The following CAST variants were observed in gnomAD, a reference collection of about 807,000 sequenced individuals.
The protein encoded by CAST is calpastatin.
A neutral mutation model predicts 119.6 loss-of-function variants in CAST; 76 were observed. That is an observed-to-expected ratio of 0.64 (90% confidence interval 0.53 to 0.77). The LOEUF (loss-of-function observed/expected upper bound fraction) is 0.77, where lower values mean the gene tolerates loss of function less well. Among genes scored for constraint, CAST ranks in the 30% least tolerant of loss-of-function variants. The pLI is 0.00. For missense variants in CAST, 953 were observed against 946.5 expected, an observed-to-expected ratio of 1.01 and a Z score of -0.09; for synonymous variants, 319 against 331.6, an observed-to-expected ratio of 0.96 and a Z score of 0.41.
chr5:96,423,522 T>C, the CAST span: 3 of 1,470,620 alleles, frequency 2.0e-6, no homozygotes, highest in African/African-American at 4.2e-5. Context: ...AAATGGGCAC[T>C]TCAGTTCCAA....
the CAST span, among the ~76,000 whole-genome samples, chr5:96,225,403 G>C: frequency 1.3e-5 from 2 of 152,086 alleles, no homozygotes; most frequent in Non-Finnish European, 2.9e-5. Context: ...GGCATACAGG[G>C]ATATAACAGC....
chr5:96,381,786 T>C, the CAST span, among the ~76,000 whole-genome samples: 1 of 152,244 alleles, frequency 6.6e-6, no homozygotes, highest in Non-Finnish European at 1.5e-5. Flanking sequence ...TTGTGGTTAA[T>C]ACATCTGACA....
At chr5:96,261,536 A>T in the CAST span, among the ~76,000 whole-genome samples, 202 of 152,278 alleles carry the variant, frequency 1.3e-3, 1 homozygote, top group Non-Finnish European at 2.5e-3. Flanking sequence ...CAAGAGCAGG[A>T]TTTACAGTAA....
At chr5:96,610,523 A>G (rs1747341690) in intron 1 of CAST, among the ~76,000 whole-genome samples, 2 of 152,210 alleles carry the variant, frequency 1.3e-5, no homozygotes, top group South Asian at 4.1e-4. Flanking sequence ...ATACCTCAAA[A>G]TAACAACAGC....
At chr5:96,394,849 C>T in the CAST span, 1 of 1,613,536 alleles carries the variant, frequency 6.2e-7, no homozygotes, top group Non-Finnish European at 8.5e-7. Context: ...ATGCCAAGAA[C>T]AGAGCCACAC....
chr5:96,387,872 C>T, the CAST span, among the ~76,000 whole-genome samples: 1 of 152,130 alleles, frequency 6.6e-6, no homozygotes, highest in African/African-American at 2.4e-5. Context: ...GTCACTGGGG[C>T]CACTAGGGAC....
At chr5:96,403,065 A>G in the CAST span, among the ~76,000 whole-genome samples, 1 of 152,192 alleles carries the variant, frequency 6.6e-6, no homozygotes, top group African/African-American at 2.4e-5. Flanking sequence ...GGCAGGAAGG[A>G]GGAAGCGTAC....
chr5:96,378,306 G>A, the CAST span, among the ~76,000 whole-genome samples: 1 of 152,046 alleles, frequency 6.6e-6, no homozygotes, highest in African/African-American at 2.4e-5. Flanking sequence ...CATTTTTTAA[G>A]CAGATAGGTC....
At chr5:96,083,161 A>G in the CAST span, among the ~76,000 whole-genome samples, 5 of 152,226 alleles carry the variant, frequency 3.3e-5, no homozygotes, top group Non-Finnish European at 1.5e-5. Flanking sequence ...ATTGCTTTAT[A>G]TGCTCTTCCA....
chr5:96,605,004 G>A (rs184707512), intron 1 of CAST, among the ~76,000 whole-genome samples: 27 of 152,238 alleles, frequency 1.8e-4, no homozygotes, highest in African/African-American at 4.3e-4. Flanking sequence ...TAAGAGACCC[G>A]GGACATAGAG....
chr5:96,607,069 A>G (rs1446354690), intron 1 of CAST, among the ~76,000 whole-genome samples: 1 of 152,166 alleles, frequency 6.6e-6, no homozygotes, highest in African/African-American at 2.4e-5. Flanking sequence ...CGGGCGGATC[A>G]CGAGGTCAGG....
At chr5:96,537,569 C>G (rs953130027) in intron 1 of CAST, among the ~76,000 whole-genome samples, 1 of 150,648 alleles carries the variant, frequency 6.6e-6, no homozygotes, top group Admixed American at 6.6e-5. Flanking sequence ...AAAAAAAAAA[C>G]TTATCTTTTC....
At chr5:96,704,044 A>G (rs1381757136) in intron 3 of CAST, among the ~76,000 whole-genome samples, 1 of 152,210 alleles carries the variant, frequency 6.6e-6, no homozygotes. Flanking sequence ...AAATTTAGCA[A>G]AATCTTGCTG....
At chr5:96,330,666 G>A in the CAST span, among the ~76,000 whole-genome samples, 8 of 152,180 alleles carry the variant, frequency 5.3e-5, no homozygotes, top group African/African-American at 9.7e-5. Context: ...ACAGTGTCAC[G>A]AGGAATTTTC....
the CAST span, among the ~76,000 whole-genome samples, chr5:96,371,591 C>T: frequency 3.3e-5 from 5 of 152,220 alleles, no homozygotes; most frequent in Non-Finnish European, 5.9e-5. Flanking sequence ...AGGAGGCTCT[C>T]TGTCTCTTTC....
chr5:96,247,311 G>C, the CAST span, among the ~76,000 whole-genome samples: 1 of 152,206 alleles, frequency 6.6e-6, no homozygotes, highest in African/African-American at 2.4e-5. Context: ...GGGAGTGAGG[G>C]TTCCAACTTT....
the CAST span, among the ~76,000 whole-genome samples, chr5:96,298,133 T>C: frequency 1.7e-4 from 26 of 152,320 alleles, no homozygotes; most frequent in Non-Finnish European, 3.4e-4. Flanking sequence ...CACAGGAATC[T>C]TACACAATTC....
rs770462885 is a variant in CAST at position 96,740,074 on chromosome 5, A to G, written c.835A>G (p.Lys279Glu). ...TTCCACCTACATAGAGGAATTGGGTAAAAGAGAAGTCACAATTCCTCCAAA... is the reference window on the plus strand; with the variant it reads ...TTCCACCTACATAGAGGAATTGGGTGAAAGAGAAGTCACAATTCCTCCAAA... ...MSSTYIEELG[K>E]REVTIPPKYR... is the part of the protein sequence containing the mutation. The change falls in exon 12 of 32, where the codon AAA becomes GAA. Residue 279 changes from lysine (K) to glutamate (E), a missense_variant. Coordinates refer to ENST00000675179, the MANE Select transcript of CAST (RefSeq NM_001750.7). 1.9e-6 allele frequency: 3 copies of G among 1,582,670 alleles called. No homozygotes were observed. The highest frequency in any genetic ancestry group is 1.3e-5 in the African/African-American group (1 of 74,170).
chr5:96,662,481 C>T lies in CAST; in HGVS notation c.59C>T (p.Ala20Val), dbSNP rs978596172. The T allele has an allele frequency of 3.6e-5, 51 of 1,431,958 alleles. 1 individual carries two copies. Among genetic ancestry groups the T allele is most frequent in the Non-Finnish European group, 1.9e-5 (21 of 1,096,752 alleles). The allele number at this position is 1,431,958 out of a possible 1,614,324, so 88.7% of individuals were successfully genotyped here. A position where few individuals can be genotyped will look rare whatever the true frequency, so the allele number is the denominator to read the frequency against. The change falls in exon 1 of 32, where the codon GCC becomes GTC. Residue 20 changes from alanine to valine, a missense_variant. Ala to Val is a moderately conservative substitution (Grantham distance 64). Coordinates refer to ENST00000675179, the MANE Select transcript of CAST (RefSeq NM_001750.7). Reference sequence around the variant, plus strand: ...CCGCGGCCCCGGCGAGCAGCCGCCGCCCGCCGCACCCATGAGGTGAGTGGC... The same window carrying T: ...CCGCGGCCCCGGCGAGCAGCCGCCGTCCGCCGCACCCATGAGGTGAGTGGC... Reference protein sequence around the residue: ...ASPRPRRAAAARRTHEHVSEK... With the variant: ...ASPRPRRAAAVRRTHEHVSEK...
Sources: allele counts gnomAD v4.1 joint callset (sites outside exome capture counted in the v4.1 genomes callset), GRCh38; gene constraint gnomAD v4.1.1; transcripts MANE v1.5; gene names NCBI Gene and HGNC (gene_info 2026-07-23, HGNC 2026-07-21).